RFC1: variants seen among roughly 807,000 people sequenced by gnomAD.
The protein encoded by RFC1 is replication factor C subunit 1.
A neutral mutation model predicts 137.4 loss-of-function variants in RFC1; 37 were observed. The ratio of observed to expected loss-of-function variants is 0.27; its 90% CI spans 0.21 to 0.35. The LOEUF is 0.35. RFC1 is among the 10% of genes least tolerant of loss of function. The pLI is 1.00. For missense variants in RFC1, 1,205 were observed against 1,358.5 expected (o/e 0.89, Z 1.78); for synonymous variants, 429 against 455.7 (o/e 0.94, Z 0.75).
chr4:39,350,156 T>C (rs1741112637), intron 2 of RFC1, among the ~76,000 whole-genome samples: 1 of 148,818 alleles, frequency 6.7e-6, no homozygotes, highest in African/African-American at 2.5e-5. Context: ...AGTAAATTGG[T>C]GATAAAAGAA....
rs528010566 is a variant in RFC1 at position 39,350,865 on chromosome 4, T to A, written c.132+483A>T. Among the ~76,000 whole-genome samples the A allele has an allele frequency of 8.5e-5, 13 of 152,278 alleles. No homozygotes were observed. In the East Asian group the frequency reaches 1.2e-3, roughly 14 times the overall value. On this transcript the variant is annotated intron_variant, in intron 2 of 24. Transcript: ENST00000349703. ...ACAGCAATTTTTGCCTTAATTTTTT[T>A]AAAAAATACACATCTATTTAAAGTA...
chr4:39,329,319 A>G (rs1360676409), intron 4 of RFC1, among the ~76,000 whole-genome samples: 1 of 151,602 alleles, frequency 6.6e-6, no homozygotes, highest in Non-Finnish European at 1.5e-5. Flanking sequence ...TGGGCAACAT[A>G]ATGAGACTCC....
intron 10 of RFC1, among the ~76,000 whole-genome samples, chr4:39,313,974 T>C (rs1739107509): frequency 1.3e-5 from 2 of 152,220 alleles, no homozygotes; most frequent in Admixed American, 6.5e-5. Context: ...AATGGTTCAA[T>C]AAAATTATAC....
chr4:39,289,766 G>T, intron 24 of RFC1, 82 bp downstream of exon 24: 1 of 910,696 alleles, frequency 1.1e-6, no homozygotes, highest in Non-Finnish European at 1.8e-6. Flanking sequence ...ATTCTGCTAT[G>T]TGCTGAAAAG....
intron 2 of RFC1, among the ~76,000 whole-genome samples, chr4:39,350,809 C>T (rs1741145267): frequency 6.6e-6 from 1 of 152,042 alleles, no homozygotes; most frequent in African/African-American, 2.4e-5. Flanking sequence ...TGAAAAGCAT[C>T]AGAAATAGCA....
chr4:39,347,093 A>G lies in RFC1; in HGVS notation c.133-1617T>C, dbSNP rs77308453. On this transcript the variant is annotated intron_variant, in intron 2 of 24. Coordinates refer to ENST00000349703, the MANE Select transcript of RFC1 (RefSeq NM_002913.5). Reference sequence around the variant, plus strand: ...CCAAGATAAATCCAAAATAACTAGAACATGCAAAGAGGAAATGTGACCTGT... The same window carrying G: ...CCAAGATAAATCCAAAATAACTAGAGCATGCAAAGAGGAAATGTGACCTGT... Among the ~76,000 whole-genome samples, 971 of 152,308 alleles carry G rather than the reference A, an allele frequency of 6.4e-3. 8 individuals carry two copies. The highest frequency in any genetic ancestry group is 0.022 in the African/African-American group (922 of 41,568).
intron 9 of RFC1, among the ~76,000 whole-genome samples, chr4:39,317,340 T>C (rs373043812): frequency 5.3e-5 from 8 of 152,222 alleles, no homozygotes; most frequent in African/African-American, 1.9e-4. Context: ...GAATTTTAAA[T>C]TATATTTCAT....
intron 9 of RFC1, among the ~76,000 whole-genome samples, chr4:39,317,572 T>G (rs1739304321): frequency 6.6e-6 from 1 of 152,118 alleles, no homozygotes; most frequent in Non-Finnish European, 1.5e-5. Flanking sequence ...TCTATGCTAT[T>G]TCATCTCCTC....
intron 20 of RFC1, 30 bp downstream of exon 20, chr4:39,300,230 G>A: frequency 6.2e-7 from 1 of 1,613,516 alleles, no homozygotes; most frequent in African/African-American, 1.3e-5. Context: ...TGGATACTAA[G>A]CACACCTCTC....
chr4:39,293,477 A>G (rs1737800877), intron 22 of RFC1, among the ~76,000 whole-genome samples: 1 of 152,132 alleles, frequency 6.6e-6, no homozygotes, highest in African/African-American at 2.4e-5. Flanking sequence ...ATGACTCCCA[A>G]AAAGGTTACA....
chr4:39,357,759 G>A (rs1741552888), intron 1 of RFC1, among the ~76,000 whole-genome samples: 1 of 151,876 alleles, frequency 6.6e-6, no homozygotes, highest in Non-Finnish European at 1.5e-5. Flanking sequence ...TGGGATTACA[G>A]GTGCCCATCA....
intron 22 of RFC1, 168 bp from the exon 23 acceptor site, chr4:39,292,020 CA>C: frequency 1.6e-6 from 1 of 612,696 alleles, no homozygotes; most frequent in Admixed American, 2.7e-5. Context: ...AGCCCAGCAC[CA>C]CAGCATGAGG....
At chr4:39,364,234 C>CTG (rs1741907684) in intron 1 of RFC1, among the ~76,000 whole-genome samples, 1 of 148,710 alleles carries the variant, frequency 6.7e-6, no homozygotes, top group Non-Finnish European at 1.5e-5. Context: ...TTGAGAACTA[C>CTG]TGTCCTTCAT....
chr4:39,295,593 A>T, intron 22 of RFC1, 21 bp downstream of exon 22: 1 of 1,573,752 alleles, frequency 6.4e-7, no homozygotes, highest in South Asian at 1.2e-5. Flanking sequence ...AAAATACCCG[A>T]AACAGAGTAA....
At chr4:39,320,200 T>C (rs1355793230) in intron 9 of RFC1, among the ~76,000 whole-genome samples, 183 bp downstream of exon 9, 1 of 151,856 alleles carries the variant, frequency 6.6e-6, no homozygotes. Flanking sequence ...AAATACAAAA[T>C]TAGCCAGGCA....
rs1260846128 is a variant in RFC1, at chr4:39,300,430, G to A, written c.2536-16C>T. ...CAAATGGGCCCTGAAAAAAGAGAGG[G>A]ACACACCTATTAGAATGGCCAAAAT... On this transcript the variant is annotated splice_polypyrimidine_tract_variant and intron_variant, in intron 19 of 24. Transcript: ENST00000349703. 9 of 1,610,074 alleles carry A rather than the reference G, an allele frequency of 5.6e-6. No individual in the cohort carries two copies. In the East Asian group the frequency reaches 2.0e-4, roughly 36 times the overall value.
chr4:39,343,835 G>A (rs1323847910), intron 3 of RFC1, among the ~76,000 whole-genome samples: 1 of 152,112 alleles, frequency 6.6e-6, no homozygotes, highest in Admixed American at 6.5e-5. Flanking sequence ...CAGAAGGCCG[G>A]GTGTGGTGGC....
intron 1 of RFC1, among the ~76,000 whole-genome samples, chr4:39,364,872 T>C (rs573672198): frequency 6.0e-4 from 92 of 152,276 alleles, no homozygotes; most frequent in South Asian, 3.1e-3. Context: ...TAGACTATAC[T>C]AACATAGTAA....
intron 10 of RFC1, among the ~76,000 whole-genome samples, chr4:39,315,640 C>T (rs1019327542): frequency 6.6e-6 from 1 of 152,230 alleles, no homozygotes; most frequent in Admixed American, 6.5e-5. Flanking sequence ...CTAGCCCTGC[C>T]ACCAATCGCA....
Sources: allele counts gnomAD v4.1 joint callset (sites outside exome capture counted in the v4.1 genomes callset), GRCh38; gene constraint gnomAD v4.1.1; transcripts MANE v1.5; gene names NCBI Gene and HGNC (gene_info 2026-07-23, HGNC 2026-07-21).